Variants in MGMT observed in about 807,000 individuals in gnomAD.
MGMT encodes methylated-DNA--protein-cysteine methyltransferase.
Under a neutral mutation model 15.9 loss-of-function variants are expected in MGMT, and 14 were observed. The observed-to-expected ratio is 0.88, with a 90% CI of 0.58 to 1.37. The LOEUF (loss-of-function observed/expected upper bound fraction) is 1.37. MGMT is among the 40% of genes most tolerant of loss of function. The probability of loss-of-function intolerance (pLI) is 0.00; values close to 1 mark genes in which losing one functional copy is unlikely to be tolerated. For missense variants in MGMT, 282 were observed against 268.1 expected (o/e 1.05, Z -0.36); for synonymous variants, 130 against 118.2 (o/e 1.10, Z -0.65).
rs144046167 is a variant in MGMT, at chr10:129,678,618, AT to A, written c.126-29274del. On this transcript the variant is annotated intron_variant, in intron 2 of 4. Coordinates refer to ENST00000651593, the MANE Select transcript of MGMT (RefSeq NM_002412.5). ...GACTGTAGGAGACACACTGTAAGTT[AT>A]TTATCTTGAACCCTAAACTGCATGT... Among the ~76,000 whole-genome samples the A allele has an allele frequency of 3.5e-3, 528 of 152,264 alleles. 2 individuals are homozygous for A. The highest frequency in any genetic ancestry group is 5.9e-3 in the Non-Finnish European group (403 of 68,018).
intron 2 of MGMT, among the ~76,000 whole-genome samples, chr10:129,653,915 T>C (rs1340233918): frequency 1.3e-5 from 2 of 152,044 alleles, no homozygotes; most frequent in Non-Finnish European, 2.9e-5. Context: ...AGAGCGGCCC[T>C]GCAGTCAAGG....
At chr10:129,616,400 G>A (rs1847026927) in intron 2 of MGMT, among the ~76,000 whole-genome samples, 1 of 152,190 alleles carries the variant, frequency 6.6e-6, no homozygotes, top group African/African-American at 2.4e-5. Context: ...ATGTGGTGCT[G>A]AAGGGGAAGC....
At chr10:129,514,760 C>T (rs1044278221) in intron 1 of MGMT, among the ~76,000 whole-genome samples, 9 of 152,224 alleles carry the variant, frequency 5.9e-5, no homozygotes, top group African/African-American at 2.2e-4. Flanking sequence ...AGTGGGGCCT[C>T]ACCAGGCACT....
chr10:129,544,234 A>G (rs1203679926), intron 2 of MGMT, among the ~76,000 whole-genome samples: 1 of 152,144 alleles, frequency 6.6e-6, no homozygotes. Context: ...TCTCATCTAG[A>G]ATTACATTGT....
chr10:129,543,335 G>A (rs959880653), intron 2 of MGMT, among the ~76,000 whole-genome samples: 5 of 152,184 alleles, frequency 3.3e-5, no homozygotes, highest in East Asian at 1.9e-4. Flanking sequence ...GAATGATGAG[G>A]TTTGCTGTGC....
At chr10:129,672,983 C>A (rs1847741782) in intron 2 of MGMT, among the ~76,000 whole-genome samples, 1 of 152,114 alleles carries the variant, frequency 6.6e-6, no homozygotes, top group Admixed American at 6.5e-5. Flanking sequence ...CATTCTAACC[C>A]TAGGGATTAA....
At chr10:129,683,236 A>G (rs756093684) in intron 2 of MGMT, among the ~76,000 whole-genome samples, 26 of 152,250 alleles carry the variant, frequency 1.7e-4, no homozygotes, top group Non-Finnish European at 3.1e-4. Flanking sequence ...ACCCATTTCC[A>G]GTGCAAGTGC....
intron 2 of MGMT, among the ~76,000 whole-genome samples, chr10:129,634,261 G>A (rs1236793551): frequency 6.6e-6 from 1 of 151,962 alleles, no homozygotes; most frequent in African/African-American, 2.4e-5. Flanking sequence ...TTTTTCCTCT[G>A]GTAGGTTGTA....
intron 2 of MGMT, among the ~76,000 whole-genome samples, chr10:129,599,974 G>GTAGGTA (rs1312928911): frequency 1.1e-5 from 1 of 91,024 alleles, no homozygotes; most frequent in African/African-American, 3.1e-5. Flanking sequence ...CTATAGGTAA[G>GTAGGTA]TAGGTAGGTA....
chr10:129,499,208 A>G (rs1005810826), intron 1 of MGMT, among the ~76,000 whole-genome samples: 1 of 152,222 alleles, frequency 6.6e-6, no homozygotes, highest in African/African-American at 2.4e-5. Context: ...AGTATTTCCT[A>G]TGCTTGCTTG....
chr10:129,676,034 G>A (rs1208963918), intron 2 of MGMT, among the ~76,000 whole-genome samples: 1 of 152,200 alleles, frequency 6.6e-6, no homozygotes, highest in Admixed American at 6.5e-5. Flanking sequence ...GCACATGTGA[G>A]TGAGGGAGGG....
intron 1 of MGMT, among the ~76,000 whole-genome samples, chr10:129,489,284 C>T (rs770438526): frequency 1.4e-5 from 2 of 140,394 alleles, no homozygotes; most frequent in Non-Finnish European, 3.0e-5. Context: ...TGCATGAACC[C>T]GGGAAGCGGA....
intron 2 of MGMT, among the ~76,000 whole-genome samples, chr10:129,555,295 G>A (rs746949287): frequency 1.3e-5 from 2 of 152,314 alleles, no homozygotes; most frequent in Non-Finnish European, 2.9e-5. Flanking sequence ...CGCTCTGCCC[G>A]AGCGCTGTTC....
intron 1 of MGMT, among the ~76,000 whole-genome samples, chr10:129,529,177 G>A (rs1175621366): frequency 6.6e-6 from 1 of 152,064 alleles, no homozygotes. Flanking sequence ...CAGTGGCAGG[G>A]GGAGCGGGGG....
At chr10:129,527,579 G>A (rs577293642) in intron 1 of MGMT, among the ~76,000 whole-genome samples, 8 of 151,930 alleles carry the variant, frequency 5.3e-5, no homozygotes, top group Admixed American at 2.0e-4. Flanking sequence ...GTAGGTGGTC[G>A]GCTCTTTTCT....
At chr10:129,486,376 A>T (rs547196532) in intron 1 of MGMT, among the ~76,000 whole-genome samples, 9 of 151,868 alleles carry the variant, frequency 5.9e-5, no homozygotes, top group African/African-American at 2.2e-4. Context: ...TTTAGTAGAG[A>T]TGGGGTTTTG....
At chr10:129,564,535 C>G (rs1479019845) in intron 2 of MGMT, among the ~76,000 whole-genome samples, 1 of 91,894 alleles carries the variant, frequency 1.1e-5, no homozygotes, top group Non-Finnish European at 2.3e-5. Context: ...TCATTTTCCT[C>G]CTCCACTTCC....
At chr10:129,487,912 GGTGT>G (rs145304551) in intron 1 of MGMT, among the ~76,000 whole-genome samples, 114 of 137,646 alleles carry the variant, frequency 8.3e-4, no homozygotes, top group African/African-American at 1.7e-3. Context: ...ACCATATAGG[GGTGT>G]GTGTGTGTGT....
chr10:129,607,102 C>G (rs1846900568), intron 2 of MGMT, among the ~76,000 whole-genome samples: 1 of 152,082 alleles, frequency 6.6e-6, no homozygotes, highest in Non-Finnish European at 1.5e-5. Flanking sequence ...GTGGAGATGG[C>G]TTTGACTTTT....
Sources: allele counts gnomAD v4.1 joint callset (sites outside exome capture counted in the v4.1 genomes callset), GRCh38; gene constraint gnomAD v4.1.1; transcripts MANE v1.5; gene names NCBI Gene and HGNC (gene_info 2026-07-23, HGNC 2026-07-21).